The following YAF2 variants were observed in gnomAD, a reference collection of about 807,000 sequenced individuals.
YAF2 encodes the protein YY1-associated factor 2.
A neutral mutation model predicts 20.1 loss-of-function variants in YAF2; 7 were observed. The ratio of observed to expected loss-of-function variants is 0.35; its 90% CI spans 0.20 to 0.65. The LOEUF is 0.65. Ranked by LOEUF, YAF2 falls within the 30% of genes least tolerant of loss-of-function variation. YAF2 has a pLI of 0.69. For missense variants in YAF2, 151 were observed against 219.2 expected, an observed-to-expected ratio of 0.69 and a Z score of 1.96; for synonymous variants, 74 against 76.0, an observed-to-expected ratio of 0.97 and a Z score of 0.14.
intron 2 of YAF2, chr12:42,212,363 C>G: frequency 2.9e-6 from 1 of 346,182 alleles, no homozygotes; most frequent in South Asian, 2.3e-5. Flanking sequence ...GTGATGACTT[C>G]TAACACTAGT....
At chr12:42,208,581 T>A (rs547438680) in intron 2 of YAF2, among the ~76,000 whole-genome samples, 2 of 152,166 alleles carry the variant, frequency 1.3e-5, no homozygotes, top group Admixed American at 6.5e-5. Context: ...CACTAGCCAA[T>A]AAGGGTATTA....
chr12:42,192,227 G>A (rs1051509166), intron 2 of YAF2, among the ~76,000 whole-genome samples: 1 of 152,064 alleles, frequency 6.6e-6, no homozygotes, highest in African/African-American at 2.4e-5. Context: ...CTAGATTTTG[G>A]CTGAGCATCG....
intron 2 of YAF2, among the ~76,000 whole-genome samples, chr12:42,198,573 G>A (rs1013948635): frequency 2.0e-5 from 3 of 152,110 alleles, no homozygotes; most frequent in Non-Finnish European, 4.4e-5. Flanking sequence ...GCAATACAGC[G>A]AGACCCTGTT....
chr12:42,182,662 A>C (rs966498171), intron 2 of YAF2, among the ~76,000 whole-genome samples: 3 of 152,208 alleles, frequency 2.0e-5, no homozygotes, highest in African/African-American at 7.2e-5. Flanking sequence ...CACTTCCCAC[A>C]CTCAATGAGG....
At chr12:42,214,104 C>A (rs868568541) in intron 2 of YAF2, among the ~76,000 whole-genome samples, 2 of 152,276 alleles carry the variant, frequency 1.3e-5, no homozygotes, top group Middle Eastern at 6.8e-3. Flanking sequence ...ATCTCAGTGT[C>A]ATATCATTTA....
intron 2 of YAF2, among the ~76,000 whole-genome samples, chr12:42,203,182 G>A (rs1328152224): frequency 6.6e-6 from 1 of 151,592 alleles, no homozygotes; most frequent in Non-Finnish European, 1.5e-5. Flanking sequence ...CAAAAATATA[G>A]TATATCCTGC....
At chr12:42,233,426 A>G in intron 2 of YAF2, 2 of 977,744 alleles carry the variant, frequency 2.0e-6, no homozygotes, top group East Asian at 1.1e-4. Flanking sequence ...CCAATAAGAC[A>G]CCAGTCTTAA....
chr12:42,201,451 A>G (rs1448528676), intron 2 of YAF2, among the ~76,000 whole-genome samples: 2 of 152,114 alleles, frequency 1.3e-5, no homozygotes, highest in African/African-American at 4.8e-5. Context: ...TCCATTGTTC[A>G]TTTTATGTGT....
chr12:42,185,224 TG>T (rs1259658290), intron 2 of YAF2, among the ~76,000 whole-genome samples: 1 of 152,092 alleles, frequency 6.6e-6, no homozygotes. Context: ...CTAGAATTAG[TG>T]GAACAAGAAG....
At chr12:42,230,529 G>C (rs1375956023) in intron 2 of YAF2, among the ~76,000 whole-genome samples, 1 of 152,038 alleles carries the variant, frequency 6.6e-6, no homozygotes, top group Non-Finnish European at 1.5e-5. Flanking sequence ...TTTCAAAAAA[G>C]ATAATGAAGA....
chr12:42,197,543 A>G (rs954732217), intron 2 of YAF2, among the ~76,000 whole-genome samples: 2 of 152,230 alleles, frequency 1.3e-5, no homozygotes, highest in African/African-American at 2.4e-5. Flanking sequence ...ATGCCCAATA[A>G]TAATATGTAT....
At chr12:42,216,068 T>C (rs994275969) in intron 2 of YAF2, among the ~76,000 whole-genome samples, 1 of 152,180 alleles carries the variant, frequency 6.6e-6, no homozygotes, top group African/African-American at 2.4e-5. Flanking sequence ...TATCACATTT[T>C]GTAGTTATAA....
At chr12:42,198,428 T>C (rs1051603813) in intron 2 of YAF2, among the ~76,000 whole-genome samples, 6 of 151,956 alleles carry the variant, frequency 3.9e-5, no homozygotes, top group Non-Finnish European at 8.8e-5. Flanking sequence ...TACAAAAAAA[T>C]ACAAAAATTG....
intron 2 of YAF2, among the ~76,000 whole-genome samples, chr12:42,184,898 C>T (rs1055324547): frequency 6.6e-6 from 1 of 152,124 alleles, no homozygotes; most frequent in Non-Finnish European, 1.5e-5. Flanking sequence ...AGAATTAGGC[C>T]GGTGTGGTGG....
intron 2 of YAF2, chr12:42,232,730 A>G (rs991696910): frequency 1.0e-6 from 1 of 985,460 alleles, no homozygotes; most frequent in Admixed American, 6.1e-5. Context: ...TGACAAGAAA[A>G]CAACGATGCT....
At chr12:42,236,084 T>C (rs1188911275) in intron 2 of YAF2, 4 of 1,460,662 alleles carry the variant, frequency 2.7e-6, no homozygotes, top group East Asian at 2.5e-5. Context: ...AAAGCAATAA[T>C]ATATAGTACC....
intron 2 of YAF2, among the ~76,000 whole-genome samples, chr12:42,211,109 A>G (rs912030072): frequency 7.9e-5 from 12 of 152,174 alleles, no homozygotes; most frequent in African/African-American, 1.2e-4. Flanking sequence ...AAATGCATCA[A>G]TACAATTCTC....
intron 2 of YAF2, among the ~76,000 whole-genome samples, chr12:42,178,536 C>T (rs1477577193): frequency 6.6e-6 from 1 of 152,072 alleles, no homozygotes; most frequent in African/African-American, 2.4e-5. Flanking sequence ...AACACTACAG[C>T]CTATGTAGAC....
intron 2 of YAF2, among the ~76,000 whole-genome samples, chr12:42,218,186 ACACACACACACAC>A (rs1429352000): frequency 1.1e-3 from 6 of 5,334 alleles, no homozygotes; most frequent in East Asian, 5.6e-3. Flanking sequence ...CTACTAGGAA[ACACACACACACAC>A]ACACACACAC....
Sources: gnomAD v4.1 joint callset for allele counts (sites outside exome capture counted in the v4.1 genomes callset) on GRCh38, gnomAD v4.1.1 for gene constraint, MANE v1.5 for transcripts, NCBI Gene and HGNC (gene_info 2026-07-23, HGNC 2026-07-21) for gene names.